The following PCLO variants were observed in gnomAD, a reference collection of about 807,000 sequenced individuals.
PCLO encodes piccolo presynaptic cytomatrix protein.
In PCLO, 82 loss-of-function variants were observed where a neutral mutation model predicts 427.5. The observed-to-expected ratio is 0.19, with a 90% CI of 0.16 to 0.23. The LOEUF (loss-of-function observed/expected upper bound fraction) is 0.23. Ranked by LOEUF, PCLO falls within the 10% of genes least tolerant of loss-of-function variation. The pLI, the probability that PCLO is intolerant of heterozygous loss-of-function variation, is 1.00. For synonymous variants in PCLO, 2,357 were observed against 2,155.4 expected, an observed-to-expected ratio of 1.09 and a Z score of -2.59; for missense variants, 6,239 against 6,115.9, an observed-to-expected ratio of 1.02 and a Z score of -0.67.
chr7:83,051,030 C>G (rs574878557), intron 3 of PCLO, among the ~76,000 whole-genome samples: 1 of 152,128 alleles, frequency 6.6e-6, no homozygotes, highest in East Asian at 1.9e-4. Context: ...TGATACAAAA[C>G]TCTCAGCAAA....
At position 82,988,698 on chromosome 7, in the gene PCLO, T is replaced by G. The variant is rs991583655; in HGVS notation, c.3301-22211A>C. Among the ~76,000 whole-genome samples the G allele has an allele frequency of 1.3e-5, 2 of 152,152 alleles. 1 individual carries two copies. The highest frequency in any genetic ancestry group is 6.3e-3 in the Middle Eastern group (2 of 316). On this transcript the variant is annotated intron_variant, in intron 3 of 24. Transcript: ENST00000333891. The stretch of plus-strand genomic sequence containing the variant: ...TGTAAGGTATTTCCTGTTTTCACTA[T>G]CACAACTCTTAAATTATGTTTCTAG...
At chr7:82,901,050 G>A (rs1794025793) in intron 9 of PCLO, among the ~76,000 whole-genome samples, 1 of 151,784 alleles carries the variant, frequency 6.6e-6, no homozygotes, top group Non-Finnish European at 1.5e-5. Flanking sequence ...GTATAAGAAT[G>A]TCTTATATTC....
chr7:82,796,148 G>A (rs371420864), intron 22 of PCLO, among the ~76,000 whole-genome samples: 8 of 152,210 alleles, frequency 5.3e-5, no homozygotes, highest in East Asian at 1.9e-4. Context: ...GTGGTCAATC[G>A]ATACCCTCCA....
At chr7:83,141,193 T>C (rs1791850598) in intron 2 of PCLO, among the ~76,000 whole-genome samples, 1 of 152,168 alleles carries the variant, frequency 6.6e-6, no homozygotes, top group African/African-American at 2.4e-5. Flanking sequence ...AGAAACGGAA[T>C]AAACTCTACC....
intron 10 of PCLO, among the ~76,000 whole-genome samples, chr7:82,864,015 C>T (rs1013279906): frequency 6.6e-6 from 1 of 151,854 alleles, no homozygotes; most frequent in Non-Finnish European, 1.5e-5. Context: ...ACAATAAAAC[C>T]CCCATAGTTT....
rs375767186 is a variant in PCLO, at chr7:82,953,829, T to C, written c.7124A>G (p.Gln2375Arg). The stretch of plus-strand genomic sequence containing the variant: ...AACAGAAGGACTGCCAGATGGTAAC[T>C]GAGATGCAGGTTTTTCCTGACCAAA... ...ETFGQEKPAS[Q>R]LPSGSPSVSS... is the part of the protein sequence containing the mutation. The change falls in exon 5 of 25, where the codon CAG (glutamine) becomes CGG (arginine). Residue 2375 changes from glutamine to arginine, a missense_variant. Around this residue, in one of 5 missense-constraint regions of PCLO, gnomAD observed 4,677 missense variants for 4,468.4 expected, o/e 1.05. Transcript: ENST00000333891. 4 of 1,612,348 alleles carry C rather than the reference T, an allele frequency of 2.5e-6. No individual in the cohort carries two copies. The highest frequency in any genetic ancestry group is 1.7e-5 in the Admixed American group (1 of 59,724).
chr7:82,938,826 G>A (rs917304966), intron 6 of PCLO, among the ~76,000 whole-genome samples: 2 of 151,892 alleles, frequency 1.3e-5, no homozygotes, highest in Non-Finnish European at 2.9e-5. Flanking sequence ...ATCATTTACA[G>A]TTCTAATATG....
intron 3 of PCLO, among the ~76,000 whole-genome samples, chr7:83,017,348 CA>C (rs1276522799): frequency 6.6e-6 from 1 of 151,538 alleles, no homozygotes; most frequent in Admixed American, 6.6e-5. Context: ...AAAACTTTAC[CA>C]GGGTGTAATT....
chr7:82,816,854 T>A (rs982249681), intron 20 of PCLO, among the ~76,000 whole-genome samples: 1 of 152,100 alleles, frequency 6.6e-6, no homozygotes, highest in African/African-American at 2.4e-5. Flanking sequence ...AGAACAGAAG[T>A]ACCCATTGAT....
rs147498108 is a variant in PCLO at position 83,053,481 on chromosome 7, T to C, written c.3300+80769A>G. Among the ~76,000 whole-genome samples the C allele has an allele frequency of 1.2e-3, 177 of 151,840 alleles. 3 individuals carry two copies. The highest frequency in any genetic ancestry group is 4.0e-4 in the Non-Finnish European group (27 of 67,834). ...ATCTGTGAATGTTGGAAGAAAAGAA[T>C]GGAGGAAGGAAAGATGGAGGGGAGT... On this transcript the variant is annotated intron_variant, in intron 3 of 24. Transcript: ENST00000333891.
chr7:83,158,757 T>C (rs546514167), intron 1 of PCLO, among the ~76,000 whole-genome samples: 9 of 152,022 alleles, frequency 5.9e-5, no homozygotes, highest in Non-Finnish European at 8.8e-5. Context: ...TACTTTACTA[T>C]AGAATCCCCA....
chr7:82,873,179 G>GTTTTTTTTT (rs59328364), intron 10 of PCLO, among the ~76,000 whole-genome samples: 1 of 110,126 alleles, frequency 9.1e-6, no homozygotes. Flanking sequence ...TATTCTGTAA[G>GTTTTTTTTT]TTTTTTTTTT....
intron 10 of PCLO, among the ~76,000 whole-genome samples, chr7:82,854,774 C>T (rs1357238431): frequency 1.3e-5 from 2 of 152,096 alleles, no homozygotes; most frequent in Non-Finnish European, 2.9e-5. Flanking sequence ...GTATTTGAAA[C>T]TCTCATTGAT....
chr7:82,809,503 T>C (rs1380706112), intron 20 of PCLO, among the ~76,000 whole-genome samples: 1 of 151,686 alleles, frequency 6.6e-6, no homozygotes, highest in Non-Finnish European at 1.5e-5. Context: ...TTGTAGCACA[T>C]ACTCTGTCGT....
chr7:83,130,087 T>C (rs1389430686), intron 3 of PCLO, among the ~76,000 whole-genome samples: 1 of 152,198 alleles, frequency 6.6e-6, no homozygotes, highest in Admixed American at 6.5e-5. Context: ...TTCTTTGCCA[T>C]GGGTGCCAGA....
At chr7:82,831,579 A>T (rs1792094477) in intron 16 of PCLO, among the ~76,000 whole-genome samples, 1 of 152,166 alleles carries the variant, frequency 6.6e-6, no homozygotes, top group Admixed American at 6.6e-5. Flanking sequence ...AATTACGCCT[A>T]CTTATTGTAA....
chr7:82,857,680 T>C (rs2115889041), intron 10 of PCLO, among the ~76,000 whole-genome samples: 1 of 152,180 alleles, frequency 6.6e-6, no homozygotes, highest in Middle Eastern at 3.4e-3. Flanking sequence ...CTTTAAAGCA[T>C]GTGTAAAATG....
intron 22 of PCLO, among the ~76,000 whole-genome samples, chr7:82,781,970 G>C (rs1019129672): frequency 2.0e-5 from 3 of 152,168 alleles, no homozygotes; most frequent in Non-Finnish European, 4.4e-5. Flanking sequence ...CTGTGTCCTT[G>C]ATAGTAAACC....
chr7:82,782,746 A>G (rs62466907), intron 22 of PCLO, among the ~76,000 whole-genome samples: 6,940 of 152,270 alleles, frequency 0.046, 329 homozygotes, highest in African/African-American at 0.12. Context: ...CATTTCAAGC[A>G]AAACTCTTCT....
Sources: gnomAD v4.1 joint callset for allele counts (sites outside exome capture counted in the v4.1 genomes callset) on GRCh38, gnomAD v4.1.1 for gene constraint, gnomAD v4.1.1 regional missense constraint, MANE v1.5 for transcripts, NCBI Gene and HGNC (gene_info 2026-07-23, HGNC 2026-07-21) for gene names.